The following KCNT2 variants were observed in gnomAD, a reference collection of about 807,000 sequenced individuals.
The protein encoded by KCNT2 is potassium sodium-activated channel subfamily T member 2.
Under a neutral mutation model 153.8 loss-of-function variants are expected in KCNT2, and 67 were observed. The ratio of observed to expected loss-of-function variants is 0.44; its 90% CI spans 0.36 to 0.53. The LOEUF (loss-of-function observed/expected upper bound fraction) is 0.53, where lower values mean the gene tolerates loss of function less well. KCNT2 is among the 20% of genes least tolerant of loss of function. KCNT2 has a pLI of 0.00. For synonymous variants in KCNT2, 500 were observed against 458.8 expected, an observed-to-expected ratio of 1.09 and a Z score of -1.15; for missense variants, 975 against 1,354.8, an observed-to-expected ratio of 0.72 and a Z score of 4.40.
chr1:196,450,289 C>T (rs115104774), intron 8 of KCNT2, among the ~76,000 whole-genome samples: 536 of 151,870 alleles, frequency 3.5e-3, no homozygotes, highest in African/African-American at 0.012. Flanking sequence ...TCCACTTTGT[C>T]ATTGCCTAGG....
At chr1:196,379,565 TTCTCTCTCTC>T (rs67709356) in intron 13 of KCNT2, among the ~76,000 whole-genome samples, 3,402 of 136,082 alleles carry the variant, frequency 0.025, 135 homozygotes, top group African/African-American at 0.078. Flanking sequence ...CAGTGAGACT[TTCTCTCTCTC>T]TCTCTCTCTC....
chr1:196,308,217 C>T (rs1283666515), intron 21 of KCNT2, among the ~76,000 whole-genome samples: 1 of 151,970 alleles, frequency 6.6e-6, no homozygotes, highest in Non-Finnish European at 1.5e-5. Context: ...TAAAGCACGG[C>T]TCTAAGAGTT....
intron 1 of KCNT2, among the ~76,000 whole-genome samples, chr1:196,500,225 GGA>G (rs372666355): frequency 1.7e-4 from 18 of 103,448 alleles, no homozygotes; most frequent in Non-Finnish European, 2.2e-4. Context: ...AGAGAGAGAC[GGA>G]GAGAGAGAGA....
chr1:196,339,042 T>C (rs748740950), intron 16 of KCNT2, among the ~76,000 whole-genome samples: 3 of 150,954 alleles, frequency 2.0e-5, no homozygotes, highest in Non-Finnish European at 4.4e-5. Context: ...TTGAATATGC[T>C]GTGCCAGTTT....
At chr1:196,579,985 A>G (rs1364129312) in intron 1 of KCNT2, among the ~76,000 whole-genome samples, 2 of 152,172 alleles carry the variant, frequency 1.3e-5, no homozygotes, top group African/African-American at 4.8e-5. Context: ...CTGACAGAAA[A>G]TAATTTTCCA....
chr1:196,434,545 C>T (rs892245935), intron 8 of KCNT2, among the ~76,000 whole-genome samples: 11 of 151,890 alleles, frequency 7.2e-5, no homozygotes, highest in African/African-American at 1.7e-4. Flanking sequence ...CGAAAAGCTG[C>T]GGGATTCTCA....
chr1:196,312,438 G>A (rs989133402), intron 21 of KCNT2, among the ~76,000 whole-genome samples: 1 of 151,700 alleles, frequency 6.6e-6, no homozygotes, highest in Admixed American at 6.6e-5. Flanking sequence ...AACTCATCAT[G>A]AGAGAAGGAA....
chr1:196,489,736 C>T, intron 3 of KCNT2, 102 bp downstream of exon 3: 1 of 663,956 alleles, frequency 1.5e-6, no homozygotes, highest in Non-Finnish European at 2.6e-6. Flanking sequence ...CCTAAAATAC[C>T]CTTAAAAATT....
chr1:196,334,307 CA>C (rs1457471464), intron 16 of KCNT2, among the ~76,000 whole-genome samples: 2 of 151,500 alleles, frequency 1.3e-5, no homozygotes, highest in Non-Finnish European at 2.9e-5. Context: ...TTCTATGGCA[CA>C]AAACATAAGA....
chr1:196,526,419 C>T (rs1230449494), intron 1 of KCNT2, among the ~76,000 whole-genome samples: 1 of 150,888 alleles, frequency 6.6e-6, no homozygotes, highest in East Asian at 1.9e-4. Context: ...CAGTATTACT[C>T]GCTCTGAGTC....
chr1:196,411,028 C>T (rs187328863), intron 12 of KCNT2, among the ~76,000 whole-genome samples: 2,109 of 136,050 alleles, frequency 0.016, 36 homozygotes, highest in Non-Finnish European at 0.025. Context: ...CCTCCCTTCC[C>T]ACCTTCCTCC....
At chr1:196,377,138 C>T (rs904773561) in intron 13 of KCNT2, among the ~76,000 whole-genome samples, 5 of 151,750 alleles carry the variant, frequency 3.3e-5, no homozygotes, top group Non-Finnish European at 7.4e-5. Flanking sequence ...AAGTTACAAC[C>T]CTAGAATGGT....
chr1:196,422,807 A>G (rs1281020599), intron 12 of KCNT2, among the ~76,000 whole-genome samples: 1 of 151,998 alleles, frequency 6.6e-6, no homozygotes, highest in Non-Finnish European at 1.5e-5. Flanking sequence ...CTGTTTATAT[A>G]TGATTCATTT....
intron 14 of KCNT2, among the ~76,000 whole-genome samples, chr1:196,370,399 C>G (rs913844693): frequency 1.3e-5 from 2 of 151,916 alleles, no homozygotes; most frequent in African/African-American, 4.8e-5. Context: ...ACTGACAGAT[C>G]AGCTAGAACT....
intron 3 of KCNT2, among the ~76,000 whole-genome samples, chr1:196,482,801 T>C (rs1466169293): frequency 6.6e-6 from 1 of 152,090 alleles, no homozygotes; most frequent in Non-Finnish European, 1.5e-5. Context: ...TAACAGAGTA[T>C]ACAACACAGT....
chr1:196,503,561 G>C (rs188265154), intron 1 of KCNT2, among the ~76,000 whole-genome samples: 366 of 152,146 alleles, frequency 2.4e-3, no homozygotes, highest in Non-Finnish European at 4.5e-3. Flanking sequence ...GTAAAATCTC[G>C]AAGGAAAATA....
intron 13 of KCNT2, among the ~76,000 whole-genome samples, chr1:196,388,550 T>TTAGC (rs1402100167): frequency 1.3e-5 from 2 of 151,704 alleles, no homozygotes; most frequent in African/African-American, 4.8e-5. Flanking sequence ...CTCAGCTTAT[T>TTAGC]TAGCTCTTTA....
At chr1:196,308,055 C>T (rs1033353597) in intron 21 of KCNT2, among the ~76,000 whole-genome samples, 23 of 151,940 alleles carry the variant, frequency 1.5e-4, no homozygotes, top group Non-Finnish European at 2.9e-5. Context: ...AATCAATGAG[C>T]ACAAAGCCCT....
intron 8 of KCNT2, among the ~76,000 whole-genome samples, chr1:196,453,784 A>G (rs1185721617): frequency 1.3e-5 from 2 of 151,998 alleles, no homozygotes; most frequent in Non-Finnish European, 2.9e-5. Flanking sequence ...GGTACTCAAC[A>G]TAGAAAAGAT....
Sources: allele counts gnomAD v4.1 joint callset (sites outside exome capture counted in the v4.1 genomes callset), GRCh38; gene constraint gnomAD v4.1.1; transcripts MANE v1.5; gene names NCBI Gene and HGNC (gene_info 2026-07-23, HGNC 2026-07-21).